Variants in PDZRN3 observed in about 807,000 individuals in gnomAD.
The protein encoded by PDZRN3 is PDZ domain containing ring finger 3.
A neutral mutation model predicts 85.7 loss-of-function variants in PDZRN3; 38 were observed. The observed-to-expected ratio is 0.44, with a 90% CI of 0.34 to 0.58. The LOEUF is 0.58. PDZRN3 is among the 20% of genes least tolerant of loss of function. The pLI, the probability that PDZRN3 is intolerant of heterozygous loss-of-function variation, is 0.01. For missense variants in PDZRN3, 1,629 were observed against 1,506.4 expected, an observed-to-expected ratio of 1.08 and a Z score of -1.35; for synonymous variants, 759 against 638.0, an observed-to-expected ratio of 1.19 and a Z score of -2.86.
At chr3:73,399,942 T>C (rs1253514899) in intron 5 of PDZRN3, among the ~76,000 whole-genome samples, 1 of 152,228 alleles carries the variant, frequency 6.6e-6, no homozygotes, top group Non-Finnish European at 1.5e-5. Context: ...TTGGTAACTT[T>C]AAGTTGAGGA....
chr3:73,556,930 C>G (rs1701711001), intron 3 of PDZRN3: 1 of 152,620 alleles, frequency 6.6e-6, no homozygotes, highest in Non-Finnish European at 1.5e-5. Context: ...TTGGAATCTG[C>G]CTGTTTTCCT....
At chr3:73,564,295 T>C (rs983664561) in intron 3 of PDZRN3, among the ~76,000 whole-genome samples, 3 of 152,214 alleles carry the variant, frequency 2.0e-5, no homozygotes, top group Admixed American at 1.3e-4. Flanking sequence ...AGCTGTTCTC[T>C]GCCCTCCCTA....
chr3:73,513,921 G>C (rs62246159), intron 3 of PDZRN3, among the ~76,000 whole-genome samples: 152,329 of 152,390 alleles, frequency 1, 76,134 homozygotes, highest in Middle Eastern at 1. Flanking sequence ...TATATACAAG[G>C]TTTCTATGTC....
At chr3:73,492,262 T>C (rs528560957) in intron 3 of PDZRN3, among the ~76,000 whole-genome samples, 1 of 152,204 alleles carries the variant, frequency 6.6e-6, no homozygotes, top group South Asian at 2.1e-4. Context: ...CGTGCAAAAA[T>C]GTGGATGTGC....
At chr3:73,554,294 C>G (rs2106812977) in intron 3 of PDZRN3, among the ~76,000 whole-genome samples, 1 of 151,952 alleles carries the variant, frequency 6.6e-6, no homozygotes, top group East Asian at 1.9e-4. Flanking sequence ...TCATTTTACT[C>G]AAATATAAAA....
chr3:73,582,710 C>T (rs935162516), intron 3 of PDZRN3, among the ~76,000 whole-genome samples: 3 of 152,072 alleles, frequency 2.0e-5, no homozygotes, highest in Non-Finnish European at 4.4e-5. Context: ...CTGTCATCCA[C>T]AATGGTCAGC....
At chr3:73,487,202 T>C (rs867217303) in intron 3 of PDZRN3, among the ~76,000 whole-genome samples, 1 of 152,190 alleles carries the variant, frequency 6.6e-6, no homozygotes, top group Non-Finnish European at 1.5e-5. Flanking sequence ...ATTTCCTACA[T>C]GATAGTGTCA....
chr3:73,426,956 A>G (rs1872956), intron 3 of PDZRN3, among the ~76,000 whole-genome samples: 88,430 of 152,078 alleles, frequency 0.58, 27,235 homozygotes, highest in East Asian at 0.84. Flanking sequence ...ACCAGCATGC[A>G]GCACAACTGA....
intron 3 of PDZRN3, among the ~76,000 whole-genome samples, chr3:73,468,495 G>A (rs557023169): frequency 5.3e-5 from 8 of 151,418 alleles, no homozygotes; most frequent in Admixed American, 3.3e-4. Context: ...TTATAGTGAC[G>A]AGGTACATGT....
chr3:73,406,225 A>G (rs1458416436), intron 3 of PDZRN3, among the ~76,000 whole-genome samples: 1 of 152,236 alleles, frequency 6.6e-6, no homozygotes, highest in African/African-American at 2.4e-5. Flanking sequence ...GACTGTTGCC[A>G]TGTTTCTCCC....
intron 3 of PDZRN3, among the ~76,000 whole-genome samples, chr3:73,600,304 A>AACACACACAC (rs35396413): frequency 2.4e-5 from 3 of 124,498 alleles, no homozygotes; most frequent in African/African-American, 6.5e-5. Flanking sequence ...TTAGTAATGA[A>AACACACACAC]ACACACACAC....
chr3:73,600,784 C>T (rs1231858692), intron 3 of PDZRN3, among the ~76,000 whole-genome samples: 1 of 152,146 alleles, frequency 6.6e-6, no homozygotes, highest in Non-Finnish European at 1.5e-5. Flanking sequence ...TCTTTTTGAA[C>T]AATAGTCTCA....
intron 1 of PDZRN3, among the ~76,000 whole-genome samples, chr3:73,611,733 C>A (rs1387680449): frequency 2.6e-5 from 4 of 152,214 alleles, no homozygotes; most frequent in African/African-American, 9.6e-5. Context: ...TCACTCCTTT[C>A]TCCACAAACA....
In PDZRN3 at chr3:73,385,598, G is replaced by A. The variant is rs1701360020; in HGVS notation, c.1635+71C>T. ...TCTGATGGTCTTTAGCACCATAAAG[G>A]GAGATGGAGGAAGCAGATTTTCCTC... On this transcript the variant is annotated intron_variant, in intron 9 of 9. Coordinates refer to ENST00000263666, the MANE Select transcript of PDZRN3 (RefSeq NM_015009.3). The A allele has an allele frequency of 5.6e-6, 5 of 890,068 alleles. No individual in the cohort carries two copies. The African/African-American group carries it at 6.5e-5, about 12-fold the overall frequency. 55.1% of individuals were successfully genotyped at this position (890,068 alleles called of 1,614,324 possible). A position where few individuals can be genotyped will look rare whatever the true frequency, so the allele number is the denominator to read the frequency against.
intron 3 of PDZRN3, among the ~76,000 whole-genome samples, chr3:73,582,395 C>T (rs2106868625): frequency 6.6e-6 from 1 of 151,894 alleles, no homozygotes; most frequent in Admixed American, 6.6e-5. Context: ...TCTCAGAAAC[C>T]ACTCCACTCA....
chr3:73,390,821 A>G (rs1238918169), intron 6 of PDZRN3, among the ~76,000 whole-genome samples, 197 bp downstream of exon 6: 1 of 152,102 alleles, frequency 6.6e-6, no homozygotes, highest in Non-Finnish European at 1.5e-5. Flanking sequence ...TCTCAAGGGT[A>G]ATTTTGCCAT....
At chr3:73,531,250 C>CAA (rs60520136) in intron 3 of PDZRN3, among the ~76,000 whole-genome samples, 2,858 of 61,600 alleles carry the variant, frequency 0.046, 139 homozygotes, top group African/African-American at 0.066. Flanking sequence ...GACTTCGTCT[C>CAA]AAAAAAAAAA....
intron 3 of PDZRN3, among the ~76,000 whole-genome samples, chr3:73,532,054 T>G (rs1704669834): frequency 6.6e-6 from 1 of 152,172 alleles, no homozygotes; most frequent in Non-Finnish European, 1.5e-5. Flanking sequence ...CAGGCTGGAG[T>G]GCAGTGGCGC....
intron 3 of PDZRN3, among the ~76,000 whole-genome samples, chr3:73,537,261 A>G (rs974952325): frequency 6.6e-6 from 1 of 152,186 alleles, no homozygotes; most frequent in Non-Finnish European, 1.5e-5. Flanking sequence ...GTGGGGCCAC[A>G]GATGGAGAAG....
Sources: allele counts gnomAD v4.1 joint callset (sites outside exome capture counted in the v4.1 genomes callset), GRCh38; gene constraint gnomAD v4.1.1; transcripts MANE v1.5; gene names NCBI Gene and HGNC (gene_info 2026-07-23, HGNC 2026-07-21).